GALNTL6: variants seen among roughly 807,000 people sequenced by gnomAD.
GALNTL6 encodes the protein polypeptide N-acetylgalactosaminyltransferase-like 6.
Under a neutral mutation model 73.7 loss-of-function variants are expected in GALNTL6, and 46 were observed. That is an observed-to-expected ratio of 0.62 (90% CI 0.49 to 0.80). GALNTL6 has a LOEUF of 0.80. Among genes scored for constraint, GALNTL6 ranks in the 30% least tolerant of loss-of-function variants. The pLI, the probability that GALNTL6 is intolerant of heterozygous loss-of-function variation, is 0.00. For missense variants in GALNTL6, 604 were observed against 755.0 expected, an observed-to-expected ratio of 0.80 and a Z score of 2.34; for synonymous variants, 259 against 263.7, an observed-to-expected ratio of 0.98 and a Z score of 0.17.
intron 5 of GALNTL6, among the ~76,000 whole-genome samples, chr4:172,793,703 G>A: frequency 6.6e-6 from 1 of 152,150 alleles, no homozygotes; most frequent in East Asian, 1.9e-4. Flanking sequence ...TACTTGTCAT[G>A]CCAGTGACAG....
chr4:172,369,858 C>G (rs139142792), intron 5 of GALNTL6, among the ~76,000 whole-genome samples: 3,739 of 152,284 alleles, frequency 0.025, 158 homozygotes, highest in African/African-American at 0.084. Context: ...TCTCCCTCCA[C>G]ACCTCCCCAC....
intron 5 of GALNTL6, among the ~76,000 whole-genome samples, chr4:172,530,728 G>T (rs1391355193): frequency 1.3e-5 from 2 of 152,154 alleles, no homozygotes; most frequent in Non-Finnish European, 2.9e-5. Context: ...AAGGAAAAGT[G>T]ATACAATGGA....
chr4:171,914,516 C>T (rs1737561576), intron 2 of GALNTL6, among the ~76,000 whole-genome samples: 1 of 146,378 alleles, frequency 6.8e-6, no homozygotes, highest in Admixed American at 6.8e-5. Context: ...CTGCAACCTC[C>T]ACCTCATGGG....
chr4:172,799,763 C>T (rs892824386), intron 5 of GALNTL6, among the ~76,000 whole-genome samples: 2 of 151,978 alleles, frequency 1.3e-5, no homozygotes, highest in Admixed American at 6.5e-5. Flanking sequence ...TCCACTTCTG[C>T]GTATATGCCA....
chr4:172,533,250 T>C (rs974744208), intron 5 of GALNTL6, among the ~76,000 whole-genome samples: 17 of 149,274 alleles, frequency 1.1e-4, no homozygotes, highest in African/African-American at 4.0e-4. Context: ...TGACCTCAGG[T>C]GATCCACCCA....
intron 5 of GALNTL6, among the ~76,000 whole-genome samples, chr4:172,544,061 C>A (rs941537153): frequency 1.3e-4 from 20 of 152,118 alleles, no homozygotes; most frequent in African/African-American, 4.8e-4. Flanking sequence ...TCAAGGAGAT[C>A]GATTTCTTAG....
intron 4 of GALNTL6, among the ~76,000 whole-genome samples, chr4:172,346,601 A>G (rs1365996444): frequency 6.6e-6 from 1 of 152,154 alleles, no homozygotes; most frequent in African/African-American, 2.4e-5. Context: ...CTTCTACACT[A>G]TCCATTTCAT....
chr4:172,816,085 GTCTA>G (rs1741589979), intron 7 of GALNTL6, among the ~76,000 whole-genome samples: 1 of 152,212 alleles, frequency 6.6e-6, no homozygotes, highest in Non-Finnish European at 1.5e-5. Context: ...AACGAAGGCA[GTCTA>G]TCTATACAGC....
chr4:172,700,262 A>G (rs535651237), intron 5 of GALNTL6, among the ~76,000 whole-genome samples: 181 of 152,268 alleles, frequency 1.2e-3, no homozygotes, highest in Non-Finnish European at 2.2e-3. Context: ...TCTCCTTTAA[A>G]TGTGATGACA....
rs985328681 is a variant in GALNTL6 at position 172,273,872 on chromosome 4, G to T, written c.248-37742G>T. Among the ~76,000 whole-genome samples, 5 of 152,144 alleles carry T rather than the reference G, an allele frequency of 3.3e-5. 1 individual carries two copies. Among genetic ancestry groups the T allele is most frequent in the Non-Finnish European group, 5.9e-5 (4 of 68,030 alleles). The stretch of plus-strand genomic sequence containing the variant: ...AGGCATTGGTGACCTTTCAGCTGAT[G>T]GCACCCAATTTGCATTTTAAGCAGA... On this transcript the variant is annotated intron_variant, in intron 3 of 12. Coordinates refer to ENST00000506823, the MANE Select transcript of GALNTL6 (RefSeq NM_001034845.3).
At chr4:172,452,903 G>A (rs1732261110) in intron 5 of GALNTL6, among the ~76,000 whole-genome samples, 1 of 152,138 alleles carries the variant, frequency 6.6e-6, no homozygotes, top group Non-Finnish European at 1.5e-5. Flanking sequence ...AAATGATTAT[G>A]TAATGCTAAG....
chr4:172,807,544 G>T (rs1352418740), intron 5 of GALNTL6, among the ~76,000 whole-genome samples: 1 of 152,134 alleles, frequency 6.6e-6, no homozygotes, highest in Non-Finnish European at 1.5e-5. Context: ...AAGCTTGACT[G>T]TCCACCACAT....
chr4:172,993,841 GA>G (rs1751651285), intron 10 of GALNTL6, among the ~76,000 whole-genome samples: 1 of 152,216 alleles, frequency 6.6e-6, no homozygotes, highest in African/African-American at 2.4e-5. Flanking sequence ...AGAATCACTA[GA>G]ACCCAGGAGG....
At chr4:171,992,808 T>C (rs1740378360) in intron 2 of GALNTL6, among the ~76,000 whole-genome samples, 1 of 152,128 alleles carries the variant, frequency 6.6e-6, no homozygotes, top group Non-Finnish European at 1.5e-5. Flanking sequence ...TTATAAATAA[T>C]GACCTTTCCT....
intron 2 of GALNTL6, among the ~76,000 whole-genome samples, chr4:171,888,594 A>G (rs1048876749): frequency 1.2e-4 from 18 of 152,010 alleles, no homozygotes; most frequent in African/African-American, 4.3e-4. Flanking sequence ...TAAAGGAAAT[A>G]CCAATTGGCA....
intron 5 of GALNTL6, among the ~76,000 whole-genome samples, chr4:172,510,730 G>A (rs1218793321): frequency 1.8e-5 from 1 of 54,918 alleles, no homozygotes; most frequent in Non-Finnish European, 4.2e-5. Flanking sequence ...TTCTGTTTAT[G>A]TGGTATATTA....
chr4:171,888,715 G>A (rs904039027), intron 2 of GALNTL6, among the ~76,000 whole-genome samples: 9 of 152,180 alleles, frequency 5.9e-5, no homozygotes, highest in East Asian at 5.8e-4. Flanking sequence ...TCCTTTGAAA[G>A]AGGAAAACAT....
intron 11 of GALNTL6, among the ~76,000 whole-genome samples, chr4:173,015,825 A>G (rs1232217573): frequency 6.6e-6 from 1 of 152,230 alleles, no homozygotes; most frequent in Non-Finnish European, 1.5e-5. Context: ...CCAAGACAAT[A>G]GGGAATATGT....
intron 7 of GALNTL6, among the ~76,000 whole-genome samples, chr4:172,814,368 TA>T (rs1254231390): frequency 6.6e-6 from 1 of 152,134 alleles, no homozygotes; most frequent in Non-Finnish European, 1.5e-5. Flanking sequence ...AGTGTGGACA[TA>T]AGAAGTATGC....
Sources: allele counts gnomAD v4.1 joint callset (sites outside exome capture counted in the v4.1 genomes callset), GRCh38; gene constraint gnomAD v4.1.1; transcripts MANE v1.5; gene names NCBI Gene and HGNC (gene_info 2026-07-23, HGNC 2026-07-21).